RBFOX1: variants seen among roughly 807,000 people sequenced by gnomAD.
The protein encoded by RBFOX1 is RNA binding fox-1 homolog 1, also known as RNA binding protein fox-1 homolog 1.
A neutral mutation model predicts 57.7 loss-of-function variants in RBFOX1; 8 were observed. That is an observed-to-expected ratio of 0.14 (90% CI 0.08 to 0.25). RBFOX1 has a LOEUF of 0.25. Ranked by LOEUF, RBFOX1 falls within the 10% of genes least tolerant of loss-of-function variation. The pLI is 1.00. For missense variants in RBFOX1, 611 were observed against 548.5 expected (o/e 1.11, Z -1.14); for synonymous variants, 326 against 222.4 (o/e 1.47, Z -4.15).
intron 4 of RBFOX1, among the ~76,000 whole-genome samples, chr16:7,416,275 A>T (rs562409161): frequency 1.3e-5 from 2 of 152,304 alleles, no homozygotes; most frequent in South Asian, 4.2e-4. Context: ...TGTCTCTCAG[A>T]CTACTCTGTG....
intron 1 of RBFOX1, among the ~76,000 whole-genome samples, chr16:6,127,183 G>A (rs1036060354): frequency 2.6e-5 from 4 of 152,044 alleles, no homozygotes; most frequent in Non-Finnish European, 4.4e-5. Flanking sequence ...TGGAGTAAGA[G>A]GGTAATGAGG....
intron 3 of RBFOX1, among the ~76,000 whole-genome samples, chr16:6,789,684 C>T (rs906779777): frequency 6.6e-6 from 1 of 152,102 alleles, no homozygotes; most frequent in African/African-American, 2.4e-5. Context: ...CCATTTTCAT[C>T]CTTTTCTTGT....
chr16:7,701,554 G>A (rs974963432), intron 14 of RBFOX1, among the ~76,000 whole-genome samples: 1 of 152,130 alleles, frequency 6.6e-6, no homozygotes, highest in Non-Finnish European at 1.5e-5. Flanking sequence ...TGGAAAAACT[G>A]TCTTCTACAA....
chr16:5,319,754 G>T (rs2064349394), intron 1 of RBFOX1, among the ~76,000 whole-genome samples: 1 of 152,198 alleles, frequency 6.6e-6, no homozygotes, highest in African/African-American at 2.4e-5. Flanking sequence ...GAAGTTTGTT[G>T]TCCACAAGAC....
intron 4 of RBFOX1, among the ~76,000 whole-genome samples, chr16:7,322,780 C>G (rs937852529): frequency 1.3e-5 from 2 of 152,122 alleles, no homozygotes; most frequent in African/African-American, 4.8e-5. Flanking sequence ...GAGATGATGC[C>G]TCAGCTTCAC....
At chr16:7,402,877 A>C (rs1469688055) in intron 4 of RBFOX1, among the ~76,000 whole-genome samples, 1 of 152,154 alleles carries the variant, frequency 6.6e-6, no homozygotes, top group East Asian at 1.9e-4. Flanking sequence ...ATTCAGTCCT[A>C]GACATTGATG....
intron 3 of RBFOX1, among the ~76,000 whole-genome samples, chr16:6,956,933 C>T (rs980268561): frequency 2.6e-5 from 4 of 151,826 alleles, no homozygotes; most frequent in Admixed American, 1.3e-4. Context: ...ATCCAGACCC[C>T]AAGTGAGAGT....
chr16:6,497,307 C>A (rs1313907009), intron 2 of RBFOX1, among the ~76,000 whole-genome samples: 1 of 152,166 alleles, frequency 6.6e-6, no homozygotes, highest in East Asian at 1.9e-4. Context: ...ATGTGTGGGT[C>A]AAAGATGCAG....
intron 2 of RBFOX1, among the ~76,000 whole-genome samples, chr16:6,627,015 A>G (rs964213971): frequency 1.3e-5 from 2 of 152,216 alleles, no homozygotes; most frequent in Non-Finnish European, 2.9e-5. Flanking sequence ...AGGCTGGGCT[A>G]TGTTGCCGAA....
At chr16:7,294,217 G>T (rs1462167978) in intron 4 of RBFOX1, among the ~76,000 whole-genome samples, 1 of 152,016 alleles carries the variant, frequency 6.6e-6, no homozygotes, top group Non-Finnish European at 1.5e-5. Flanking sequence ...AGCTGTTTTT[G>T]TCTCTGCCGC....
chr16:6,794,854 G>A (rs1400349528), intron 3 of RBFOX1, among the ~76,000 whole-genome samples: 1 of 152,060 alleles, frequency 6.6e-6, no homozygotes, highest in African/African-American at 2.4e-5. Context: ...AATTGTCAAG[G>A]GCTTTTTTCC....
chr16:5,465,959 T>G (rs1183228759), intron 1 of RBFOX1, among the ~76,000 whole-genome samples: 1 of 152,124 alleles, frequency 6.6e-6, no homozygotes, highest in Non-Finnish European at 1.5e-5. Context: ...GGGCACCTTG[T>G]TGAGTCTGGA....
At chr16:6,287,301 G>C (rs2076997862) in intron 1 of RBFOX1, among the ~76,000 whole-genome samples, 1 of 152,146 alleles carries the variant, frequency 6.6e-6, no homozygotes, top group Admixed American at 6.5e-5. Context: ...TAGTCATGGT[G>C]TTGCCAGCTC....
At chr16:6,272,228 T>C (rs2075291992) in intron 1 of RBFOX1, among the ~76,000 whole-genome samples, 1 of 152,150 alleles carries the variant, frequency 6.6e-6, no homozygotes. Context: ...TGTAGAAACA[T>C]ACTTGATAAA....
chr16:7,422,661 C>G (rs1482649764), intron 4 of RBFOX1: 1 of 152,214 alleles, frequency 6.6e-6, no homozygotes, highest in Non-Finnish European at 1.5e-5. Flanking sequence ...ATCTCTGCAC[C>G]TTAAGGCATG....
chr16:7,648,258 C>G (rs1184974762), intron 11 of RBFOX1, among the ~76,000 whole-genome samples: 1 of 152,128 alleles, frequency 6.6e-6, no homozygotes, highest in Non-Finnish European at 1.5e-5. Context: ...CTTGGTCTGT[C>G]ACCCAGGCTG....
chr16:5,627,418 G>GGT lies in RBFOX1; in HGVS notation c.318+28474_318+28475dup, dbSNP rs142764574. Among the ~76,000 whole-genome samples, 706 of 150,564 alleles carry GGT rather than the reference G, an allele frequency of 4.7e-3. 2 individuals are homozygous for GGT. Among genetic ancestry groups the GGT allele is most frequent in the African/African-American group, 6.7e-3 (276 of 41,218 alleles). ...TGCCTTTTAACCATAGTGATCTTGG[G>GGT]GTGTGTGTGTGTGTGTGTCCCAAAG... On this transcript the variant is annotated intron_variant, in intron 3 of 19. Coordinates refer to the RBFOX1 transcript ENST00000641259.
chr16:6,157,005 T>A (rs1416675488), intron 1 of RBFOX1, among the ~76,000 whole-genome samples: 1 of 151,930 alleles, frequency 6.6e-6, no homozygotes, highest in African/African-American at 2.4e-5. Context: ...TAATTGTTTT[T>A]CGCATTTTTT....
At chr16:7,150,253 G>A (rs2075853771) in intron 4 of RBFOX1, among the ~76,000 whole-genome samples, 1 of 152,192 alleles carries the variant, frequency 6.6e-6, no homozygotes, top group Admixed American at 6.5e-5. Context: ...AGGTAAAAGA[G>A]ACGCCTCCAC....
Sources: gnomAD v4.1 joint callset for allele counts (sites outside exome capture counted in the v4.1 genomes callset) on GRCh38, gnomAD v4.1.1 for gene constraint, MANE v1.5 for transcripts, NCBI Gene and HGNC (gene_info 2026-07-23, HGNC 2026-07-21) for gene names.